TBL1XR1: variants seen among roughly 807,000 people sequenced by gnomAD.
The protein encoded by TBL1XR1 is TBL1X/Y related 1, also known as F-box-like/WD repeat-containing protein TBL1XR1.
TBL1XR1 carries 5 observed loss-of-function variants against 66.9 expected under a neutral mutation model. The ratio of observed to expected loss-of-function variants is 0.07; its 90% CI spans 0.04 to 0.16. The LOEUF is 0.16. TBL1XR1 is among the 10% of genes least tolerant of loss of function. The probability of loss-of-function intolerance (pLI) is 1.00; values close to 1 mark genes in which losing one functional copy is unlikely to be tolerated. For synonymous variants in TBL1XR1, 210 were observed against 206.0 expected, an observed-to-expected ratio of 1.02 and a Z score of -0.17; for missense variants, 238 against 623.2, an observed-to-expected ratio of 0.38 and a Z score of 6.58.
At chr3:177,087,518 G>T (rs1031765399) in intron 2 of TBL1XR1, among the ~76,000 whole-genome samples, 1 of 152,070 alleles carries the variant, frequency 6.6e-6, no homozygotes, top group Non-Finnish European at 1.5e-5. Context: ...AAATAGGCAT[G>T]GTGAAGGATT....
At chr3:177,031,127 A>C (rs757545147) in intron 14 of TBL1XR1, among the ~76,000 whole-genome samples, 1 of 152,142 alleles carries the variant, frequency 6.6e-6, no homozygotes, top group Non-Finnish European at 1.5e-5. Flanking sequence ...AATAAAAATA[A>C]AAATGAAAAA....
At chr3:177,044,643 T>C (rs1716070487) in intron 10 of TBL1XR1, among the ~76,000 whole-genome samples, 1 of 152,168 alleles carries the variant, frequency 6.6e-6, no homozygotes. Context: ...GTAAAATACA[T>C]ACAGTTCATT....
chr3:177,125,525 T>A (rs918627565), intron 1 of TBL1XR1, among the ~76,000 whole-genome samples: 2 of 152,176 alleles, frequency 1.3e-5, no homozygotes, highest in African/African-American at 4.8e-5. Context: ...AATAATGAAT[T>A]AACAGGATTT....
intron 3 of TBL1XR1, among the ~76,000 whole-genome samples, chr3:177,055,870 C>T (rs77048770): frequency 0.011 from 1,745 of 152,238 alleles, 41 homozygotes; most frequent in African/African-American, 0.04. Flanking sequence ...TACAGAGGGC[C>T]TATACCATAT....
At chr3:177,050,809 A>G (rs904483318) in intron 5 of TBL1XR1, among the ~76,000 whole-genome samples, 199 bp from the exon 6 acceptor site, 1 of 127,216 alleles carries the variant, frequency 7.9e-6, no homozygotes. Flanking sequence ...AGTATTGACC[A>G]CATACTTTTT....
chr3:177,192,284 A>C lies in TBL1XR1; in HGVS notation c.-122+4837T>G, dbSNP rs4857672. ...GCCTATAATCCCAGCTAGGAGGCTGAGGCAGGAGAATCGCTTGAACCCAGG... is the reference window on the plus strand; with the variant it reads ...GCCTATAATCCCAGCTAGGAGGCTGCGGCAGGAGAATCGCTTGAACCCAGG... On this transcript the variant is annotated intron_variant, in intron 1 of 15. Transcript: ENST00000457928. Among the ~76,000 whole-genome samples, 5,937 of 151,764 alleles carry C rather than the reference A, an allele frequency of 0.039. 736 individuals carry two copies. The East Asian group carries it at 0.49, about 12-fold the overall frequency.
intron 1 of TBL1XR1, among the ~76,000 whole-genome samples, chr3:177,140,871 T>C (rs1210446384): frequency 6.6e-6 from 1 of 152,178 alleles, no homozygotes; most frequent in Non-Finnish European, 1.5e-5. Context: ...GCATAAACAT[T>C]CTTAAAACAT....
At chr3:177,200,011 C>A (rs768274099), upstream of TBL1XR1, among the ~76,000 whole-genome samples, 1 of 151,742 alleles carries the variant, frequency 6.6e-6, no homozygotes, top group Non-Finnish European at 1.5e-5. Flanking sequence ...TCGCTCTTGT[C>A]GCCCAGGCTA....
intron 1 of TBL1XR1, among the ~76,000 whole-genome samples, chr3:177,134,332 C>G (rs1043663963): frequency 6.6e-6 from 1 of 152,124 alleles, no homozygotes; most frequent in Non-Finnish European, 1.5e-5. Flanking sequence ...TAGCAACAAG[C>G]AGGAACCATA....
chr3:177,153,874 T>A (rs1450300360), intron 1 of TBL1XR1, among the ~76,000 whole-genome samples: 1 of 111,718 alleles, frequency 9.0e-6, no homozygotes, highest in Non-Finnish European at 1.8e-5. Context: ...CAAAACTCCA[T>A]CTCAAAAAAA....
intron 10 of TBL1XR1, among the ~76,000 whole-genome samples, chr3:177,044,298 CCT>C (rs1028935065): frequency 1.3e-5 from 2 of 152,104 alleles, no homozygotes; most frequent in African/African-American, 4.8e-5. Flanking sequence ...GCACCAACCC[CCT>C]GTGCAGTTGG....
At chr3:177,112,108 T>TATATATATATATATATATATATA (rs1553846589) in intron 1 of TBL1XR1, among the ~76,000 whole-genome samples, 9 of 35,698 alleles carry the variant, frequency 2.5e-4, no homozygotes, top group African/African-American at 7.6e-4. Flanking sequence ...TATATATATA[T>TATATATATATATATATATATATA]TTTTTTTTTT....
chr3:177,198,995 C>T (rs935161708), upstream of TBL1XR1, among the ~76,000 whole-genome samples: 1 of 152,094 alleles, frequency 6.6e-6, no homozygotes, highest in East Asian at 1.9e-4. Context: ...GTCAATGTCT[C>T]TTTCCCCCCT....
rs74749599 is a variant in TBL1XR1, at chr3:177,074,417, G to A, written c.-45-9395C>T. On this transcript the variant is annotated intron_variant, in intron 2 of 15. Transcript: ENST00000457928. ...GCCATGATCAACCTCTTTACCAACA[G>A]GAAGCCTAAGCCTAGGGAAAAATGT... 9.3e-3 allele frequency among the ~76,000 whole-genome samples: 1,422 copies of A among 152,284 alleles called. 13 individuals carry two copies. Among genetic ancestry groups the A allele is most frequent in the Non-Finnish European group, 0.015 (1,034 of 68,018 alleles).
chr3:177,049,918 C>G, intron 7 of TBL1XR1, 79 bp downstream of exon 7: 1 of 1,501,412 alleles, frequency 6.7e-7, no homozygotes, highest in Non-Finnish European at 9.0e-7. Flanking sequence ...AACAAATAGA[C>G]AAACCCTGCC....
At chr3:177,184,963 T>C (rs1266301435) in intron 1 of TBL1XR1, among the ~76,000 whole-genome samples, 6 of 152,214 alleles carry the variant, frequency 3.9e-5, no homozygotes, top group African/African-American at 7.2e-5. Context: ...CTTTAAGAAC[T>C]GACTGAAAAG....
intron 1 of TBL1XR1, among the ~76,000 whole-genome samples, chr3:177,190,451 G>C (rs145251727): frequency 1.5e-3 from 223 of 152,262 alleles, no homozygotes; most frequent in Non-Finnish European, 2.2e-3. Context: ...GAGTAGCTAG[G>C]ATTATAGGCG....
chr3:177,083,603 T>C (rs1450601949), intron 2 of TBL1XR1, among the ~76,000 whole-genome samples: 1 of 152,224 alleles, frequency 6.6e-6, no homozygotes, highest in Non-Finnish European at 1.5e-5. Flanking sequence ...CATTTTACTA[T>C]GAAAATTTTC....
chr3:177,049,224 G>A (rs1716723502), intron 7 of TBL1XR1, among the ~76,000 whole-genome samples: 1 of 152,170 alleles, frequency 6.6e-6, no homozygotes, highest in Admixed American at 6.5e-5. Flanking sequence ...TCCACAAAGG[G>A]TTGTTAAACA....
Sources: gnomAD v4.1 joint callset for allele counts (sites outside exome capture counted in the v4.1 genomes callset) on GRCh38, gnomAD v4.1.1 for gene constraint, MANE v1.5 for transcripts, NCBI Gene and HGNC (gene_info 2026-07-23, HGNC 2026-07-21) for gene names.